The following WFIKKN2 variants were observed in gnomAD, a reference collection of about 807,000 sequenced individuals.
The protein encoded by WFIKKN2 is WAP, Kazal, immunoglobulin, Kunitz and NTR domain-containing protein 2.
In WFIKKN2, 25 loss-of-function variants were observed where a neutral mutation model predicts 39.2. The observed-to-expected ratio is 0.64, with a 90% CI of 0.47 to 0.89. WFIKKN2 has a LOEUF of 0.89. Among genes scored for constraint, WFIKKN2 ranks in the 40% least tolerant of loss-of-function variants. The pLI is 0.00. For missense variants in WFIKKN2, 770 were observed against 811.7 expected (o/e 0.95, Z 0.62); for synonymous variants, 345 against 329.7 (o/e 1.05, Z -0.50).
In WFIKKN2 at chr17:50,839,796, C is replaced by T. The variant is rs1478589376; in HGVS notation, c.508C>T (p.Leu170=). ...DAEACSKGIT[L]AVVTCRYHFT... ...CGAGGCCTGCTCCAAAGGCATCACA[C>T]TGGCCGTTGTAACCTGCCGCTATCA... The change falls in exon 2 of 2, where the codon CTG becomes TTG. Residue 170 remains leucine, a synonymous_variant. Transcript: ENST00000311378. 1.2e-6 allele frequency: 2 copies of T among 1,614,232 alleles called. No homozygotes were observed. Among genetic ancestry groups the T allele is most frequent in the Admixed American group, 1.7e-5 (1 of 60,034 alleles).
rs751582921 is a variant in WFIKKN2 at position 50,836,015 on chromosome 17, C to T, written c.78C>T (p.Leu26=). ...VAALLLLLLL[L]GVPPRSLALP... ...CGCTGCTGCTGCTGCTGCTACTGCT[C>T]GGGGTGCCCCCGCGAAGCCTGGCGC... Residue 26 remains leucine, a synonymous_variant, in exon 1 of 2, where the codon CTC becomes CTT. Coordinates refer to ENST00000311378, the MANE Select transcript of WFIKKN2 (RefSeq NM_175575.6). The T allele has an allele frequency of 3.3e-5, 53 of 1,602,156 alleles. No individual in the cohort carries two copies. In the South Asian group the frequency reaches 4.9e-4, roughly 15 times the overall value.
rs1314918040 is a variant in WFIKKN2 at position 50,840,607 on chromosome 17, G to C, written c.1319G>C (p.Arg440Thr). 1 of 1,613,866 alleles carries C rather than the reference G, an allele frequency of 6.2e-7. No individual in the cohort carries two copies. Among genetic ancestry groups the C allele is most frequent in the African/African-American group, 1.3e-5 (1 of 74,960 alleles). The change falls in exon 2 of 2, where the codon AGG becomes ACG. Residue 440 changes from arginine to threonine, a missense_variant. Physicochemically the swap from Arg to Thr is moderately conservative, Grantham distance 71. Transcript: ENST00000311378. ...TGTGAGGAGTCGTGCCCCTTCCCCA[G>C]GGGGAACCAGCGCTGTCGGGCCTGC... ...EACEESCPFPRGNQRCRACKP... is the reference protein window; with the variant it reads ...EACEESCPFPTGNQRCRACKP...
In WFIKKN2 at chr17:50,839,557, C is replaced by T. The variant is rs768432266; in HGVS notation, c.269C>T (p.Ala90Val). Residue 90 changes from alanine to valine, a missense_variant, in exon 2 of 2, where the codon GCG (alanine) becomes GTG (valine). Ala to Val is a moderately conservative substitution (Grantham distance 64). Coordinates refer to ENST00000311378, the MANE Select transcript of WFIKKN2 (RefSeq NM_175575.6). Reference sequence around the variant, plus strand: ...GTATGTGGGACCAAGAGCTGCGTGGCGGCCCGCTACATGGACGTGAAAGGG... The same window carrying T: ...GTATGTGGGACCAAGAGCTGCGTGGTGGCCCGCTACATGGACGTGAAAGGG... Reference protein sequence around the residue: ...PNVCGTKSCVAARYMDVKGKK... With the variant: ...PNVCGTKSCVVARYMDVKGKK... The T allele has an allele frequency of 1.2e-5, 19 of 1,614,104 alleles. No individual in the cohort carries two copies. Among genetic ancestry groups the T allele is most frequent in the Admixed American group, 6.7e-5 (4 of 60,016 alleles).
chr17:50,834,946 T>A (rs554450967), upstream of WFIKKN2: 49 of 151,216 alleles, frequency 3.2e-4, no homozygotes, highest in African/African-American at 1.2e-3. Context: ...CCTGAGACAC[T>A]GTGACCGCGG....
At position 50,839,861 on chromosome 17, in the gene WFIKKN2, C is replaced by T; in HGVS notation, c.573C>T (p.Thr191=). ...ACACCAGCCCCCCACCACCTGAGAC[C>T]ACCATGCACCCCACCACAGCCTCCC... ...WPNTSPPPPE[T]TMHPTTASPE... The change falls in exon 2 of 2, where the codon ACC becomes ACT. Residue 191 remains threonine, a synonymous_variant. Transcript: ENST00000311378. The T allele has an allele frequency of 6.2e-7, 1 of 1,614,204 alleles. No individual in the cohort carries two copies. The highest frequency in any genetic ancestry group is 1.6e-4 in the Middle Eastern group (1 of 6,062).
At position 50,835,725 on chromosome 17, in the gene WFIKKN2, A is replaced by G. The variant is rs952693861; in HGVS notation, c.-213A>G. Reference sequence around the variant, plus strand: ...CACTCAGGAGAGGGAGCTTCCTTCTAAAGACCTTTCTTTTATCTGAAGCCG... The same window carrying G: ...CACTCAGGAGAGGGAGCTTCCTTCTGAAGACCTTTCTTTTATCTGAAGCCG... On this transcript the variant is annotated 5_prime_UTR_variant, in exon 1 of 2. Transcript: ENST00000311378. 5 of 588,654 alleles carry G rather than the reference A, an allele frequency of 8.5e-6. No homozygotes were observed. The African/African-American group carries it at 9.3e-5, about 11-fold the overall frequency. 36.5% of individuals were successfully genotyped at this position (588,654 alleles called of 1,614,324 possible).
rs911636854 is a variant in WFIKKN2, at chr17:50,835,874, C to T, written c.-64C>T. Reference sequence around the variant, plus strand: ...GTGTCTGCAGCCCCTGAGAAGAAGGCCCTGGTGGGCCCCAGACCCTGGCAT... The same window carrying T: ...GTGTCTGCAGCCCCTGAGAAGAAGGTCCTGGTGGGCCCCAGACCCTGGCAT... On this transcript the variant is annotated 5_prime_UTR_variant, in exon 1 of 2. Transcript: ENST00000311378. The T allele has an allele frequency of 7.2e-6, 11 of 1,537,922 alleles. No homozygotes were observed. The highest frequency in any genetic ancestry group is 9.7e-6 in the Non-Finnish European group (11 of 1,137,602).
chr17:50,841,327 C>T lies in WFIKKN2; in HGVS notation c.*308C>T, dbSNP rs889590699. On this transcript the variant is annotated 3_prime_UTR_variant, in exon 2 of 2. Coordinates refer to ENST00000311378, the MANE Select transcript of WFIKKN2 (RefSeq NM_175575.6). ...CCTCACTGGCCCCACACCCCTGGCT[C>T]TCCCAGTCACCCTCCCCTAGCCAGT... 9.3e-5 allele frequency: 24 copies of T among 258,872 alleles called. No individual in the cohort carries two copies. Among genetic ancestry groups the T allele is most frequent in the Non-Finnish European group, 1.8e-4 (24 of 135,354 alleles). The allele number at this position is 258,872 out of a possible 1,614,324, so 16.0% of individuals were successfully genotyped here.
chr17:50,838,781 ACTGTTGG>A (rs1971991597), intron 1 of WFIKKN2, among the ~76,000 whole-genome samples: 1 of 151,966 alleles, frequency 6.6e-6, no homozygotes, highest in African/African-American at 2.4e-5. Context: ...GCCTGCCCTG[ACTGTTGG>A]CTGTGGATCG....
chr17:50,840,604 C>T lies in WFIKKN2; in HGVS notation c.1316C>T (p.Pro439Leu). The T allele has an allele frequency of 6.2e-7, 1 of 1,614,050 alleles. No individual in the cohort carries two copies. Among genetic ancestry groups the T allele is most frequent in the Non-Finnish European group, 8.5e-7 (1 of 1,180,032 alleles). Residue 439 changes from proline to leucine, a missense_variant, in exon 2 of 2, where the codon CCC (proline) becomes CTC (leucine). Pro to Leu is a moderately conservative substitution (Grantham distance 98). Transcript: ENST00000311378. ...GCCTGTGAGGAGTCGTGCCCCTTCCCCAGGGGGAACCAGCGCTGTCGGGCC... is the reference window on the plus strand; with the variant it reads ...GCCTGTGAGGAGTCGTGCCCCTTCCTCAGGGGGAACCAGCGCTGTCGGGCC... ...REACEESCPF[P>L]RGNQRCRACK...
Position 50,841,141 on chromosome 17 carries a change from C to A in WFIKKN2, c.*122C>A. 9.7e-7 allele frequency: 1 copy of A among 1,027,734 alleles called. No individual in the cohort carries two copies. Among genetic ancestry groups the A allele is most frequent in the Non-Finnish European group, 1.4e-6 (1 of 735,082 alleles). 63.7% of individuals were successfully genotyped at this position (1,027,734 alleles called of 1,614,324 possible). On this transcript the variant is annotated 3_prime_UTR_variant, in exon 2 of 2. Coordinates refer to ENST00000311378, the MANE Select transcript of WFIKKN2 (RefSeq NM_175575.6). ...GGGACAGCAGGGAAACATCAACCGACGTGTCACAGAAAAAGCCACAGAAGG... is the reference window on the plus strand; with the variant it reads ...GGGACAGCAGGGAAACATCAACCGAAGTGTCACAGAAAAAGCCACAGAAGG...
chr17:50,837,082 G>A (rs1273287727), intron 1 of WFIKKN2, among the ~76,000 whole-genome samples: 1 of 152,208 alleles, frequency 6.6e-6, no homozygotes, highest in African/African-American at 2.4e-5. Context: ...GGCACGTCGT[G>A]TATGTTGGCA....
chr17:50,835,896 G>T lies in WFIKKN2; in HGVS notation c.-42G>T, dbSNP rs763628020. On this transcript the variant is annotated 5_prime_UTR_variant, in exon 1 of 2. Transcript: ENST00000311378. ...AGGCCCTGGTGGGCCCCAGACCCTGGCATCGTTTCAGGGGAGGTCTCTAGC... is the reference window on the plus strand; with the variant it reads ...AGGCCCTGGTGGGCCCCAGACCCTGTCATCGTTTCAGGGGAGGTCTCTAGC... 2.1e-5 allele frequency: 34 copies of T among 1,584,756 alleles called. No homozygotes were observed. In the South Asian group the frequency reaches 3.6e-4, roughly 17 times the overall value.
intron 1 of WFIKKN2, among the ~76,000 whole-genome samples, chr17:50,837,052 C>T (rs1482213674): frequency 6.6e-6 from 1 of 152,226 alleles, no homozygotes; most frequent in Non-Finnish European, 1.5e-5. Context: ...CTGAGGGCTA[C>T]TGTGGCCAGC....
In WFIKKN2 at chr17:50,840,456, G is replaced by A. The variant is rs777517936; in HGVS notation, c.1168G>A (p.Ala390Thr). 3.0e-5 allele frequency: 49 copies of A among 1,613,664 alleles called. No homozygotes were observed. The highest frequency in any genetic ancestry group is 1.6e-4 in the Middle Eastern group (1 of 6,082). ...SGPLAACSLP[A>T]LQGPCKAYAP... is the part of the protein sequence containing the mutation. ...GCCGCTGGCCGCGTGCAGCCTGCCCGCCCTGCAGGGGCCCTGCAAAGCCTA... is the reference window on the plus strand; with the variant it reads ...GCCGCTGGCCGCGTGCAGCCTGCCCACCCTGCAGGGGCCCTGCAAAGCCTA... Residue 390 changes from alanine to threonine, a missense_variant, in exon 2 of 2, where the codon GCC becomes ACC. Ala to Thr is a moderately conservative substitution (Grantham distance 58). Transcript: ENST00000311378.
chr17:50,841,222 T>A lies in WFIKKN2; in HGVS notation c.*203T>A. 2.0e-6 allele frequency: 1 copy of A among 488,990 alleles called. No homozygotes were observed. Among genetic ancestry groups the A allele is most frequent in the Non-Finnish European group, 3.5e-6 (1 of 284,816 alleles). The allele number at this position is 488,990 out of a possible 1,614,324, so 30.3% of individuals were successfully genotyped here. A position where few individuals can be genotyped will look rare whatever the true frequency, so the allele number is the denominator to read the frequency against. The stretch of plus-strand genomic sequence containing the variant: ...ATAAGGGGTTCATATCTTTTTTAGC[T>A]GAGGGGGACAAGAGGAGAAGTCAGT... On this transcript the variant is annotated 3_prime_UTR_variant, in exon 2 of 2. Coordinates refer to ENST00000311378, the MANE Select transcript of WFIKKN2 (RefSeq NM_175575.6).
Position 50,835,904 on chromosome 17 carries a change from T to G in WFIKKN2, c.-34T>G, listed in dbSNP as rs1971947381. On this transcript the variant is annotated 5_prime_UTR_variant, in exon 1 of 2. Transcript: ENST00000311378. ...GTGGGCCCCAGACCCTGGCATCGTT[T>G]CAGGGGAGGTCTCTAGCCGCCCCAG... The G allele has an allele frequency of 1.9e-6, 3 of 1,597,044 alleles. No individual in the cohort carries two copies. Among genetic ancestry groups the G allele is most frequent in the Admixed American group, 1.7e-5 (1 of 58,486 alleles).
Position 50,835,795 on chromosome 17 carries a change from A to T in WFIKKN2, c.-143A>T. 1.1e-6 allele frequency: 1 copy of T among 873,112 alleles called. No homozygotes were observed. Among genetic ancestry groups the T allele is most frequent in the Non-Finnish European group, 1.7e-6 (1 of 583,826 alleles). The allele number at this position is 873,112 out of a possible 1,614,324, so 54.1% of individuals were successfully genotyped here. ...CTGACTTGGTGGAGGCAGCAGCGGC[A>T]GAGCAGCCTGAGCAGCAGCCTGAGC... On this transcript the variant is annotated 5_prime_UTR_variant, in exon 1 of 2. Coordinates refer to ENST00000311378, the MANE Select transcript of WFIKKN2 (RefSeq NM_175575.6).
At position 50,835,864 on chromosome 17, in the gene WFIKKN2, G is replaced by A; in HGVS notation, c.-74G>A. On this transcript the variant is annotated 5_prime_UTR_variant, in exon 1 of 2. Coordinates refer to ENST00000311378, the MANE Select transcript of WFIKKN2 (RefSeq NM_175575.6). ...GGGAGGGCAGGTGTCTGCAGCCCCT[G>A]AGAAGAAGGCCCTGGTGGGCCCCAG... 6.6e-7 allele frequency: 1 copy of A among 1,508,160 alleles called. No individual in the cohort carries two copies. Among genetic ancestry groups the A allele is most frequent in the Non-Finnish European group, 8.9e-7 (1 of 1,120,168 alleles). The allele number at this position is 1,508,160 out of a possible 1,614,324, so 93.4% of individuals were successfully genotyped here. A position where few individuals can be genotyped will look rare whatever the true frequency, so the allele number is the denominator to read the frequency against.
Sources: gnomAD v4.1 joint callset for allele counts (sites outside exome capture counted in the v4.1 genomes callset) on GRCh38, gnomAD v4.1.1 for gene constraint, MANE v1.5 for transcripts, NCBI Gene and HGNC (gene_info 2026-07-23, HGNC 2026-07-21) for gene names.